Variants in DOCK8 observed in about 807,000 individuals in gnomAD.
DOCK8 encodes dedicator of cytokinesis protein 8.
Under a neutral mutation model 245.6 loss-of-function variants are expected in DOCK8, and 141 were observed. That is an observed-to-expected ratio of 0.57 (90% CI 0.50 to 0.66). The LOEUF (loss-of-function observed/expected upper bound fraction) is 0.66. Ranked by LOEUF, DOCK8 falls within the 30% of genes least tolerant of loss-of-function variation. The pLI is 0.00. For missense variants in DOCK8, 2,965 were observed against 2,603.4 expected (o/e 1.14, Z -3.02); for synonymous variants, 1,168 against 970.2 (o/e 1.20, Z -3.79).
chr9:386,443 T>A lies in DOCK8; in HGVS notation c.2874+17T>A, dbSNP rs373063419. The A allele has an allele frequency of 1.2e-6, 2 of 1,606,958 alleles. No individual in the cohort carries two copies. The highest frequency in any genetic ancestry group is 2.7e-5 in the African/African-American group (2 of 74,752). On this transcript the variant is annotated intron_variant, in intron 23 of 47. Coordinates refer to ENST00000432829, the MANE Select transcript of DOCK8 (RefSeq NM_203447.4). Reference sequence around the variant, plus strand: ...AGCAAAAAGGTACTGAAGAGAGCAATGTGAGGTTCATCCCAGGATAAGAAC... The same window carrying A: ...AGCAAAAAGGTACTGAAGAGAGCAAAGTGAGGTTCATCCCAGGATAAGAAC...
chr9:377,264 C>T, intron 20 of DOCK8, 53 bp downstream of exon 20: 1 of 1,467,208 alleles, frequency 6.8e-7, no homozygotes, highest in Non-Finnish European at 9.2e-7. Flanking sequence ...CAAGCATTGC[C>T]TTCTTTAATG....
chr9:352,288 A>G (rs925814406), intron 14 of DOCK8, among the ~76,000 whole-genome samples: 3 of 152,180 alleles, frequency 2.0e-5, no homozygotes, highest in Admixed American at 6.5e-5. Flanking sequence ...TATTATTACT[A>G]TTAAGCATGA....
chr9:463,789 C>G lies in DOCK8; in HGVS notation c.6239+102C>G, dbSNP rs1041186570. The G allele has an allele frequency of 1.0e-4, 141 of 1,405,764 alleles. 1 individual carries two copies. The African/African-American group carries it at 1.9e-3, about 19-fold the overall frequency. The allele number at this position is 1,405,764 out of a possible 1,614,324, so 87.1% of individuals were successfully genotyped here. On this transcript the variant is annotated intron_variant, in intron 47 of 47. Coordinates refer to ENST00000432829, the MANE Select transcript of DOCK8 (RefSeq NM_203447.4). ...CTGCTGCACTTGGGGAGCTGCAGAACCTCGAAAGGGTGGAAGAGGGTCCCA... is the reference window on the plus strand; with the variant it reads ...CTGCTGCACTTGGGGAGCTGCAGAAGCTCGAAAGGGTGGAAGAGGGTCCCA...
At chr9:262,617 C>A (rs785843) in intron 1 of DOCK8, among the ~76,000 whole-genome samples, 74,579 of 148,812 alleles carry the variant, frequency 0.5, 19,201 homozygotes, top group East Asian at 0.78. Flanking sequence ...GTAAAATTCT[C>A]GAAAATGCAA....
chr9:400,571 A>T (rs1184863502), intron 26 of DOCK8, among the ~76,000 whole-genome samples: 1 of 91,874 alleles, frequency 1.1e-5, no homozygotes, highest in Non-Finnish European at 2.0e-5. Flanking sequence ...CATCACCACC[A>T]CCACCTCCAC....
intron 1 of DOCK8, among the ~76,000 whole-genome samples, chr9:244,112 C>T (rs183610625): frequency 0.01 from 1,521 of 150,416 alleles, 24 homozygotes; most frequent in African/African-American, 0.032. Context: ...GGCGTGAACC[C>T]GGGAGGTGGA....
chr9:433,809 T>A, intron 37 of DOCK8, 66 bp from the exon 38 acceptor site: 1 of 1,341,970 alleles, frequency 7.5e-7, no homozygotes, highest in Non-Finnish European at 1.1e-6. Flanking sequence ...TGCATTTCAA[T>A]GTAATCCTAA....
chr9:298,618 A>AGTGTGTGTGTGT lies in DOCK8; in HGVS notation c.405-5938_405-5927dup, dbSNP rs34998339. 4.1e-4 allele frequency among the ~76,000 whole-genome samples: 60 copies of AGTGTGTGTGTGT among 145,396 alleles called. 1 individual carries two copies. Among genetic ancestry groups the AGTGTGTGTGTGT allele is most frequent in the South Asian group, 1.1e-3 (5 of 4,490 alleles). On this transcript the variant is annotated intron_variant, in intron 4 of 47. Coordinates refer to ENST00000432829, the MANE Select transcript of DOCK8 (RefSeq NM_203447.4). ...TAATGGAAACAAGCACACATCTGTA[A>AGTGTGTGTGTGT]GTGTGTGTGTGTGTGTGTGTGTGTG...
rs1236200771 is a variant in DOCK8 at position 399,997 on chromosome 9, T to TCCACCACCTCCACCATCA, written c.3234+765_3234+782dup. Among the ~76,000 whole-genome samples, 34 of 57,894 alleles carry TCCACCACCTCCACCATCA rather than the reference T, an allele frequency of 5.9e-4. 1 individual carries two copies. Among genetic ancestry groups the TCCACCACCTCCACCATCA allele is most frequent in the African/African-American group, 2.4e-3 (29 of 12,152 alleles). The allele number at this position is 57,894 out of a possible 152,430, so 38.0% of individuals were successfully genotyped here. A position where few individuals can be genotyped will look rare whatever the true frequency, so the allele number is the denominator to read the frequency against. On this transcript the variant is annotated intron_variant, in intron 26 of 47. Coordinates refer to ENST00000432829, the MANE Select transcript of DOCK8 (RefSeq NM_203447.4). Reference sequence around the variant, plus strand: ...TCCACCATCACCACCTCCCACCACCTCCACCACCTCCACCATCACCACCAC... The same window carrying TCCACCACCTCCACCATCA: ...TCCACCATCACCACCTCCCACCACCTCCACCACCTCCACCATCACCACCACCTCCACCATCACCACCAC...
intron 47 of DOCK8, 84 bp from the exon 48 acceptor site, chr9:464,075 C>T (rs1404017305): frequency 2.5e-6 from 3 of 1,200,744 alleles, no homozygotes; most frequent in South Asian, 1.2e-5. Context: ...GATCCACCCC[C>T]AACCCTTTCT....
chr9:453,019 A>C (rs2131894630), intron 46 of DOCK8: 1 of 152,394 alleles, frequency 6.6e-6, no homozygotes, highest in African/African-American at 2.4e-5. Context: ...AGAGAAGAAT[A>C]TTAAGTATAA....
rs748855373 is a variant in DOCK8 at position 406,965 on chromosome 9, G to A, written c.3426G>A (p.Lys1142=). The part of the protein sequence containing the change: ...SSSCSSFQDQ[K]IASMFDLTSE... ...CCTGCTCCAGCTTCCAGGACCAGAA[G>A]ATCGCCAGCATGTTCGATCTGACTT... The change falls in exon 28 of 48, where the codon AAG becomes AAA. Residue 1142 remains lysine (K), a synonymous_variant. Transcript: ENST00000432829. 3 of 1,614,014 alleles carry A rather than the reference G, an allele frequency of 1.9e-6. No individual in the cohort carries two copies. The highest frequency in any genetic ancestry group is 1.7e-5 in the Admixed American group (1 of 59,998).
intron 39 of DOCK8, 89 bp downstream of exon 39, chr9:435,064 A>G: frequency 8.0e-6 from 12 of 1,507,382 alleles, no homozygotes; most frequent in South Asian, 1.2e-5. Flanking sequence ...GGCAATGTCT[A>G]GATACATTTT....
chr9:261,640 A>T (rs1024169767), intron 1 of DOCK8, among the ~76,000 whole-genome samples: 1 of 152,186 alleles, frequency 6.6e-6, no homozygotes. Flanking sequence ...ATCATGTTCA[A>T]GCTCTGTGTA....
chr9:387,626 G>A (rs2054010416), intron 23 of DOCK8, among the ~76,000 whole-genome samples: 1 of 152,160 alleles, frequency 6.6e-6, no homozygotes. Flanking sequence ...CCGGGGCCTG[G>A]TGCTGTGCAC....
At chr9:396,181 T>C (rs1321180317) in intron 24 of DOCK8, among the ~76,000 whole-genome samples, 1 of 152,202 alleles carries the variant, frequency 6.6e-6, no homozygotes. Flanking sequence ...AGTGGTTCTG[T>C]TTCCAGCTGG....
chr9:309,635 C>T (rs894632636), intron 5 of DOCK8, among the ~76,000 whole-genome samples: 1 of 152,202 alleles, frequency 6.6e-6, no homozygotes, highest in African/African-American at 2.4e-5. Flanking sequence ...AAGCACACCG[C>T]AGCCAAAAGT....
intron 2 of DOCK8, among the ~76,000 whole-genome samples, chr9:272,045 C>G (rs1047276920): frequency 1.3e-5 from 2 of 152,126 alleles, no homozygotes; most frequent in Non-Finnish European, 2.9e-5. Context: ...AAACTTACCA[C>G]CATTTGTAGT....
At chr9:354,129 C>G (rs2052310476) in intron 14 of DOCK8, among the ~76,000 whole-genome samples, 1 of 152,158 alleles carries the variant, frequency 6.6e-6, no homozygotes, top group Admixed American at 6.6e-5. Flanking sequence ...GCCAGGAGTT[C>G]AAGACTAGTC....
Sources: gnomAD v4.1 joint callset for allele counts (sites outside exome capture counted in the v4.1 genomes callset) on GRCh38, gnomAD v4.1.1 for gene constraint, MANE v1.5 for transcripts, NCBI Gene and HGNC (gene_info 2026-07-23, HGNC 2026-07-21) for gene names.